The following CD80 variants were observed in gnomAD, a reference collection of about 807,000 sequenced individuals.
CD80 encodes T-lymphocyte activation antigen CD80.
A neutral mutation model predicts 27.1 loss-of-function variants in CD80; 13 were observed. The ratio of observed to expected loss-of-function variants is 0.48; its 90% CI spans 0.31 to 0.76. CD80 has a LOEUF of 0.76. CD80 is among the 30% of genes least tolerant of loss of function. The pLI, the probability that CD80 is intolerant of heterozygous loss-of-function variation, is 0.04. For missense variants in CD80, 277 were observed against 347.9 expected (o/e 0.80, Z 1.62); for synonymous variants, 125 against 125.5 (o/e 1.00, Z 0.03).
At chr3:119,545,014 T>A (rs2082193123) in intron 2 of CD80, 147 bp from the exon 3 acceptor site, 2 of 659,968 alleles carry the variant, frequency 3.0e-6, no homozygotes, top group Non-Finnish European at 5.2e-6. Flanking sequence ...GGGTCCCCAA[T>A]GCTTTTTTTC....
chr3:119,533,488 A>G (rs906932567), intron 4 of CD80, among the ~76,000 whole-genome samples: 5 of 151,662 alleles, frequency 3.3e-5, no homozygotes, highest in Admixed American at 3.3e-4. Flanking sequence ...TTGAATTATA[A>G]CTCCCACAGT....
At chr3:119,547,244 T>C (rs555739303) in intron 2 of CD80, among the ~76,000 whole-genome samples, 57 of 152,318 alleles carry the variant, frequency 3.7e-4, no homozygotes, top group Middle Eastern at 6.8e-3. Flanking sequence ...AGTCTTCACA[T>C]TGGTTATTAT....
At chr3:119,543,930 CCAGGCTGGAGTG>C (rs1560056533) in intron 3 of CD80, among the ~76,000 whole-genome samples, 1 of 148,748 alleles carries the variant, frequency 6.7e-6, no homozygotes, top group Non-Finnish European at 1.5e-5. Flanking sequence ...GCTATGTCAC[CCAGGCTGGAGTG>C]CAGTGGTGCA....
At chr3:119,530,303 AT>A (rs1026796723) in intron 4 of CD80, among the ~76,000 whole-genome samples, 4 of 151,960 alleles carry the variant, frequency 2.6e-5, no homozygotes, top group African/African-American at 9.7e-5. Context: ...GGTATACTTT[AT>A]TTTTCCTTCT....
chr3:119,558,695 G>A (rs1368805895), intron 1 of CD80, among the ~76,000 whole-genome samples: 6 of 151,388 alleles, frequency 4.0e-5, no homozygotes, highest in Admixed American at 3.3e-4. Context: ...TCCAGGAGGT[G>A]GAGGCTGCAG....
intron 3 of CD80, among the ~76,000 whole-genome samples, chr3:119,542,103 A>C (rs779986691): frequency 8.0e-6 from 1 of 124,576 alleles, no homozygotes; most frequent in African/African-American, 3.1e-5. Flanking sequence ...TTTAACAGGG[A>C]TCTTTTAGGA....
intron 4 of CD80, among the ~76,000 whole-genome samples, chr3:119,530,284 T>G (rs1258845555): frequency 6.6e-6 from 1 of 152,218 alleles, no homozygotes; most frequent in Non-Finnish European, 1.5e-5. Context: ...TGGTTGATGT[T>G]GTGTTCTAGG....
chr3:119,539,180 A>G (rs1392182717), intron 3 of CD80, among the ~76,000 whole-genome samples: 1 of 152,184 alleles, frequency 6.6e-6, no homozygotes, highest in Non-Finnish European at 1.5e-5. Flanking sequence ...TTGATAGTAG[A>G]CATGCTGTTT....
chr3:119,544,677 A>G lies in CD80; in HGVS notation c.291T>C (p.Asn97=). 6.2e-7 allele frequency: 1 copy of G among 1,614,164 alleles called. No homozygotes were observed. The highest frequency in any genetic ancestry group is 8.5e-7 in the Non-Finnish European group (1 of 1,179,992). The change falls in exon 3 of 7, where the codon AAT becomes AAC. Residue 97 remains asparagine (N), a synonymous_variant. Transcript: ENST00000264246. The part of the protein sequence containing the change: ...YKNRTIFDIT[N]NLSIVILALR... ...GAGCCAGGATCACAATGGAGAGGTT[A>G]TTAGTGATATCAAAGATGGTCCGGT...
chr3:119,530,333 C>T (rs1384977081), intron 4 of CD80, among the ~76,000 whole-genome samples: 1 of 152,176 alleles, frequency 6.6e-6, no homozygotes, highest in Admixed American at 6.5e-5. Flanking sequence ...GTCGTGCCTT[C>T]TCCCTTTCTC....
intron 4 of CD80, among the ~76,000 whole-genome samples, chr3:119,536,878 G>A (rs1266023182): frequency 6.6e-6 from 1 of 152,046 alleles, no homozygotes; most frequent in Non-Finnish European, 1.5e-5. Context: ...AATACTTATT[G>A]TGTTACAACT....
intron 1 of CD80, among the ~76,000 whole-genome samples, chr3:119,558,485 A>G (rs1302701890): frequency 6.6e-6 from 1 of 152,244 alleles, no homozygotes; most frequent in Non-Finnish European, 1.5e-5. Flanking sequence ...CTCCAGGGCC[A>G]GGCGTGGTGG....
Position 119,537,072 on chromosome 3 carries a change from T to A in CD80, c.700+65A>T, listed in dbSNP as rs560457957. On this transcript the variant is annotated intron_variant, in intron 4 of 6. Coordinates refer to ENST00000264246, the MANE Select transcript of CD80 (RefSeq NM_005191.4). ...CTCAAAATGTATCCACATCATTAAA[T>A]GACACGACTATATTGTCTTTTTAGA... The A allele has an allele frequency of 3.5e-5, 48 of 1,374,570 alleles. No individual in the cohort carries two copies. The Admixed American group carries it at 7.1e-4, about 20-fold the overall frequency. 85.1% of individuals were successfully genotyped at this position (1,374,570 alleles called of 1,614,324 possible). A position where few individuals can be genotyped will look rare whatever the true frequency, so the allele number is the denominator to read the frequency against.
At chr3:119,537,039 A>G in intron 4 of CD80, 98 bp downstream of exon 4, 1 of 1,073,122 alleles carries the variant, frequency 9.3e-7, no homozygotes, top group African/African-American at 1.6e-5. Flanking sequence ...TTGCCTAATG[A>G]TGCATTTCTC....
Position 119,529,943 on chromosome 3 carries a change from G to A in CD80, c.701-6C>T. 2.5e-6 allele frequency: 4 copies of A among 1,592,406 alleles called. No homozygotes were observed. Among genetic ancestry groups the A allele is most frequent in the Non-Finnish European group, 3.4e-6 (4 of 1,160,398 alleles). ...AGGAAAATGCTCTTGCTTGGCTATG[G>A]AGGGAAAAGAATAATGTCAGCTGTA... On this transcript the variant is annotated splice_polypyrimidine_tract_variant and splice_region_variant and intron_variant, in intron 4 of 6. Transcript: ENST00000264246.
chr3:119,532,011 T>C (rs745494029), intron 4 of CD80, among the ~76,000 whole-genome samples: 4 of 152,178 alleles, frequency 2.6e-5, no homozygotes, highest in African/African-American at 4.8e-5. Context: ...ATTTAGCCAG[T>C]TGGAATCTTC....
At chr3:119,548,029 T>C (rs185469563) in intron 2 of CD80, among the ~76,000 whole-genome samples, 142 of 152,048 alleles carry the variant, frequency 9.3e-4, no homozygotes, top group African/African-American at 3.1e-3. Flanking sequence ...TTGCCCAGGC[T>C]GGAGTGAAGT....
At chr3:119,554,745 A>C (rs2082253485) in intron 2 of CD80, among the ~76,000 whole-genome samples, 1 of 152,178 alleles carries the variant, frequency 6.6e-6, no homozygotes, top group East Asian at 1.9e-4. Flanking sequence ...CTCACCTCCC[A>C]CAGACCATGC....
intron 2 of CD80, among the ~76,000 whole-genome samples, chr3:119,548,955 T>C (rs112552817): frequency 1.2e-4 from 18 of 152,284 alleles, no homozygotes; most frequent in African/African-American, 4.3e-4. Flanking sequence ...GAGAATCACT[T>C]GAACCTGGGA....
Sources: allele counts gnomAD v4.1 joint callset (sites outside exome capture counted in the v4.1 genomes callset), GRCh38; gene constraint gnomAD v4.1.1; transcripts MANE v1.5; gene names NCBI Gene and HGNC (gene_info 2026-07-23, HGNC 2026-07-21).